SUMF1: variants seen among roughly 807,000 people sequenced by gnomAD.
SUMF1 encodes formylglycine-generating enzyme.
Under a neutral mutation model 47.6 loss-of-function variants are expected in SUMF1, and 48 were observed. The observed-to-expected ratio is 1.01, with a 90% confidence interval of 0.80 to 1.28. SUMF1 has a LOEUF of 1.28. Ranked by LOEUF, SUMF1 falls within the 50% of genes most tolerant of loss-of-function variation. SUMF1 has a pLI of 0.00. For missense variants in SUMF1, 571 were observed against 485.4 expected (o/e 1.18, Z -1.66); for synonymous variants, 230 against 192.1 (o/e 1.20, Z -1.63).
intron 8 of SUMF1, among the ~76,000 whole-genome samples, chr3:4,285,265 T>C (rs1227056893): frequency 6.6e-6 from 1 of 152,206 alleles, no homozygotes; most frequent in East Asian, 1.9e-4. Context: ...GCAAGGGCTG[T>C]ATATAATACT....
intron 8 of SUMF1, among the ~76,000 whole-genome samples, chr3:4,284,958 C>G (rs563626055): frequency 1.3e-4 from 20 of 152,120 alleles, no homozygotes; most frequent in Admixed American, 2.6e-4. Context: ...ATTTGCTAAG[C>G]TTTCACCCCC....
intron 8 of SUMF1, among the ~76,000 whole-genome samples, chr3:4,343,771 A>G (rs1559234502): frequency 2.0e-5 from 3 of 152,234 alleles, no homozygotes; most frequent in African/African-American, 7.2e-5. Flanking sequence ...TGAAATAACC[A>G]TATGTTTTGA....
chr3:4,388,671 A>C (rs1308652269), intron 7 of SUMF1, among the ~76,000 whole-genome samples: 3 of 152,018 alleles, frequency 2.0e-5, no homozygotes, highest in African/African-American at 7.2e-5. Flanking sequence ...TGGGTTACCC[A>C]AACTTTTAAA....
At chr3:4,457,825 A>C (rs1271569024) in intron 1 of SUMF1, among the ~76,000 whole-genome samples, 1 of 152,228 alleles carries the variant, frequency 6.6e-6, no homozygotes, top group Non-Finnish European at 1.5e-5. Flanking sequence ...TCCATGACAC[A>C]GGCCTGGCAA....
intron 7 of SUMF1, among the ~76,000 whole-genome samples, chr3:4,387,726 C>G (rs1395119928): frequency 4.0e-5 from 6 of 151,874 alleles, no homozygotes; most frequent in African/African-American, 1.4e-4. Flanking sequence ...TGCAAATTTC[C>G]CTCTTAGCAC....
intron 3 of SUMF1, among the ~76,000 whole-genome samples, chr3:4,437,893 CGTGCCACTGCGCTCCA>C (rs1702452925): frequency 6.6e-6 from 1 of 151,892 alleles, no homozygotes; most frequent in South Asian, 2.1e-4. Flanking sequence ...GAGCTGAGAT[CGTGCCACTGCGCTCCA>C]GCCTGGGCAA....
chr3:4,456,732 GTA>G (rs1020080600), intron 1 of SUMF1, among the ~76,000 whole-genome samples: 8 of 89,308 alleles, frequency 9.0e-5, no homozygotes, highest in African/African-American at 2.9e-4. Context: ...ATATACGTGT[GTA>G]TATATACACA....
At position 4,371,768 on chromosome 3, in the gene SUMF1, C is replaced by T. The variant is rs552250728; in HGVS notation, c.1014+4562G>A. ...CTCAGCAATCCTATGAGATAGGCAT[C>T]ATTAGTATCTGCACTGTATACATGA... On this transcript the variant is annotated intron_variant, in intron 8 of 8. Coordinates refer to ENST00000272902, the MANE Select transcript of SUMF1 (RefSeq NM_182760.4). 3.7e-4 allele frequency among the ~76,000 whole-genome samples: 56 copies of T among 152,276 alleles called. 1 individual carries two copies. In the South Asian group the frequency reaches 0.011, roughly 30 times the overall value.
intron 8 of SUMF1, among the ~76,000 whole-genome samples, chr3:4,071,849 G>A (rs1695534599): frequency 6.6e-6 from 1 of 152,208 alleles, no homozygotes; most frequent in Non-Finnish European, 1.5e-5. Context: ...CCTGAGGGAA[G>A]GGGCAGCTGT....
chr3:4,123,419 G>A (rs1180304039), intron 8 of SUMF1, among the ~76,000 whole-genome samples: 2 of 152,140 alleles, frequency 1.3e-5, no homozygotes, highest in East Asian at 3.8e-4. Flanking sequence ...GTGTCTAGAT[G>A]GCATCCACAT....
At chr3:4,079,554 T>G (rs1692513047) in intron 8 of SUMF1, among the ~76,000 whole-genome samples, 1 of 151,954 alleles carries the variant, frequency 6.6e-6, no homozygotes, top group Non-Finnish European at 1.5e-5. Context: ...CACTGTTTGC[T>G]GATAGAAACT....
intron 8 of SUMF1, among the ~76,000 whole-genome samples, chr3:4,220,205 G>T (rs1696030927): frequency 6.6e-6 from 1 of 152,072 alleles, no homozygotes; most frequent in South Asian, 2.1e-4. Context: ...TTTCATCAGG[G>T]CCACAGTTCA....
chr3:4,268,445 AAAT>A (rs1233790841), intron 8 of SUMF1, among the ~76,000 whole-genome samples: 16 of 152,200 alleles, frequency 1.1e-4, no homozygotes, highest in South Asian at 8.3e-4. Flanking sequence ...AAAAAAGAAA[AAAT>A]AATAATAAAA....
intron 8 of SUMF1, among the ~76,000 whole-genome samples, chr3:4,237,940 C>T (rs1474700082): frequency 1.3e-5 from 2 of 151,102 alleles, no homozygotes; most frequent in African/African-American, 4.9e-5. Flanking sequence ...AGCCCCACAA[C>T]CCCCAACAGG....
intron 8 of SUMF1, among the ~76,000 whole-genome samples, chr3:4,248,481 A>G (rs1696719065): frequency 6.6e-6 from 1 of 152,206 alleles, no homozygotes; most frequent in Non-Finnish European, 1.5e-5. Context: ...ACTAAAAAGA[A>G]CGGCCCTCAA....
chr3:4,123,880 A>G lies in SUMF1; in HGVS notation c.1015-55135T>C, dbSNP rs571804260. ...GAGAAAGGTTTAGCTAGGGCGTCAC[A>G]GACATTGATCAGACATGGGGACTCG... is the stretch of plus-strand genomic sequence containing the variant. On this transcript the variant is annotated intron_variant and NMD_transcript_variant, in intron 8 of 12. Coordinates refer to the SUMF1 transcript ENST00000448413. Among the ~76,000 whole-genome samples, 4 of 152,288 alleles carry G rather than the reference A, an allele frequency of 2.6e-5. No individual in the cohort carries two copies. The East Asian group carries it at 7.7e-4, about 29-fold the overall frequency.
chr3:4,403,106 C>T (rs1430967990), intron 7 of SUMF1, among the ~76,000 whole-genome samples: 2 of 152,190 alleles, frequency 1.3e-5, no homozygotes, highest in Non-Finnish European at 2.9e-5. Flanking sequence ...AAACATGGTG[C>T]TAAGTCCCAT....
chr3:4,222,663 CTG>C (rs1696092256), intron 8 of SUMF1, among the ~76,000 whole-genome samples: 1 of 152,066 alleles, frequency 6.6e-6, no homozygotes, highest in Non-Finnish European at 1.5e-5. Flanking sequence ...CATTTCTAAA[CTG>C]AGAGTTTTTC....
In SUMF1 at chr3:4,303,233, G is replaced by GT. The variant is rs1180013705; in HGVS notation, c.1014+73096_1014+73097insA. On this transcript the variant is annotated intron_variant and NMD_transcript_variant, in intron 8 of 12. Coordinates refer to the SUMF1 transcript ENST00000448413. ...GCCAGACCCAAAAAGTCAAGGAAGG[G>GT]AAGCGCCTTCCAGGCCACTCCTGAG... 3.3e-6 allele frequency: 3 copies of GT among 915,072 alleles called. No homozygotes were observed. The East Asian group carries it at 1.0e-4, about 30-fold the overall frequency. The allele number at this position is 915,072 out of a possible 1,614,324, so 56.7% of individuals were successfully genotyped here. A position where few individuals can be genotyped will look rare whatever the true frequency, so the allele number is the denominator to read the frequency against.
Sources: gnomAD v4.1 joint callset for allele counts (sites outside exome capture counted in the v4.1 genomes callset) on GRCh38, gnomAD v4.1.1 for gene constraint, MANE v1.5 for transcripts, NCBI Gene and HGNC (gene_info 2026-07-23, HGNC 2026-07-21) for gene names.